The following PCDHGA2 variants were observed in gnomAD, a reference collection of about 807,000 sequenced individuals.
PCDHGA2 encodes protocadherin gamma subfamily A, 2, also known as protocadherin gamma-A2.
PCDHGA2 carries 40 observed loss-of-function variants against 59.2 expected under a neutral mutation model. That is an observed-to-expected ratio of 0.68 (90% confidence interval 0.52 to 0.88). PCDHGA2 has a LOEUF of 0.88. PCDHGA2 is among the 40% of genes least tolerant of loss of function. PCDHGA2 has a pLI of 0.00. For missense variants in PCDHGA2, 1,226 were observed against 1,204.0 expected (o/e 1.02, Z -0.27); for synonymous variants, 560 against 526.0 (o/e 1.06, Z -0.89).
At chr5:141,408,556 T>G (rs1215804867) in intron 1 of PCDHGA2, 1 of 1,613,940 alleles carries the variant, frequency 6.2e-7, no homozygotes, top group Non-Finnish European at 8.5e-7. Context: ...ATATTTTTCA[T>G]GTCATTGTGG....
At chr5:141,384,447 G>T in intron 1 of PCDHGA2, 1 of 1,614,008 alleles carries the variant, frequency 6.2e-7, no homozygotes, top group African/African-American at 1.3e-5. Flanking sequence ...TCCTGTACGC[G>T]CTGCAATCCT....
chr5:141,485,745 T>C lies in PCDHGA2; in HGVS notation c.2425-9062T>C. 3 of 1,614,146 alleles carry C rather than the reference T, an allele frequency of 1.9e-6. No individual in the cohort carries two copies. Among genetic ancestry groups the C allele is most frequent in the Non-Finnish European group, 2.5e-6 (3 of 1,179,986 alleles). ...AAGAAGCGCAGCGACGGCAGCCTGGTCCCAGAGCTGCTCCTGGAGAAGCCT... is the reference window on the plus strand; with the variant it reads ...AAGAAGCGCAGCGACGGCAGCCTGGCCCCAGAGCTGCTCCTGGAGAAGCCT... On this transcript the variant is annotated intron_variant, in intron 1 of 3. Transcript: ENST00000394576. This position sits in a 1 kb window ranked among gnomAD's most constrained non-coding sequence, Gnocchi z 5.7.
At chr5:141,418,876 C>A (rs917800201) in intron 1 of PCDHGA2, 1 of 1,613,844 alleles carries the variant, frequency 6.2e-7, no homozygotes. Context: ...AAGTTGTAGA[C>A]GAAAACGACA....
chr5:141,482,763 T>TGC (rs2099571981), intron 1 of PCDHGA2, among the ~76,000 whole-genome samples: 1 of 127,550 alleles, frequency 7.8e-6, no homozygotes, highest in African/African-American at 3.6e-5. Flanking sequence ...GGTATTTCAT[T>TGC]ATCACTGAAC....
intron 1 of PCDHGA2, chr5:141,423,559 G>T: frequency 6.2e-7 from 1 of 1,613,584 alleles, no homozygotes; most frequent in Non-Finnish European, 8.5e-7. Flanking sequence ...CAACTATGGG[G>T]ACACGCTCAT....
intron 1 of PCDHGA2, among the ~76,000 whole-genome samples, chr5:141,347,802 G>T (rs1485611368): frequency 6.6e-6 from 1 of 150,846 alleles, no homozygotes; most frequent in Admixed American, 6.6e-5. Context: ...AAAAAAAAAA[G>T]TAGAGGCTGG....
chr5:141,420,187 C>G (rs1369031488), intron 1 of PCDHGA2: 1 of 1,613,706 alleles, frequency 6.2e-7, no homozygotes, highest in East Asian at 2.2e-5. Context: ...ATTGTCCAGC[C>G]ACACAAGATA....
chr5:141,468,809 T>A (rs1473677700), intron 1 of PCDHGA2, among the ~76,000 whole-genome samples: 1 of 151,850 alleles, frequency 6.6e-6, no homozygotes, highest in Admixed American at 6.6e-5. Flanking sequence ...GAACTTGCAG[T>A]GAGCCAAGAT....
At chr5:141,360,893 AG>A (rs753188026) in intron 1 of PCDHGA2, 17 of 1,614,046 alleles carry the variant, frequency 1.1e-5, no homozygotes, top group Non-Finnish European at 1.4e-5. Flanking sequence ...ACCCTGAGGG[AG>A]GACGTGCCGC....
chr5:141,343,906 C>T, intron 1 of PCDHGA2: 1 of 870,422 alleles, frequency 1.1e-6, no homozygotes, highest in Non-Finnish European at 1.7e-6. Context: ...AACCTCACCT[C>T]TTAGTCAACC....
At position 141,489,748 on chromosome 5, in the gene PCDHGA2, T is replaced by C. The variant is rs763688648; in HGVS notation, c.2425-5059T>C. On this transcript the variant is annotated intron_variant, in intron 1 of 3. Transcript: ENST00000394576. The surrounding 1 kb of genome is among the most constrained non-coding windows in gnomAD (Gnocchi z 4.5). ...TGTGGGCACCAATACTGTGAGCTTT[T>C]ACACTCTAAGCCCCAACAGCCACTT... is the stretch of plus-strand genomic sequence containing the variant. The C allele has an allele frequency of 1.8e-5, 29 of 1,614,038 alleles. No homozygotes were observed. Among genetic ancestry groups the C allele is most frequent in the Non-Finnish European group, 1.6e-5 (19 of 1,180,010 alleles).
At chr5:141,400,232 C>CT (rs1207022796) in intron 1 of PCDHGA2, 6 of 1,613,914 alleles carry the variant, frequency 3.7e-6, no homozygotes, top group African/African-American at 1.3e-5. Context: ...TTCCTCCTGG[C>CT]CGTGATTCTG....
intron 1 of PCDHGA2, chr5:141,355,887 CATA>C (rs759872200): frequency 1.1e-5 from 17 of 1,613,492 alleles, no homozygotes; most frequent in Non-Finnish European, 1.4e-5. Flanking sequence ...CCAGGATTCT[CATA>C]ATACTTGTGG....
chr5:141,472,183 A>G (rs2099273731), intron 1 of PCDHGA2, among the ~76,000 whole-genome samples: 1 of 152,190 alleles, frequency 6.6e-6, no homozygotes, highest in South Asian at 2.1e-4. Flanking sequence ...CCAGTATTGG[A>G]ATTTGAATCT....
At chr5:141,437,445 T>C (rs187869679) in intron 1 of PCDHGA2, among the ~76,000 whole-genome samples, 1 of 152,348 alleles carries the variant, frequency 6.6e-6, no homozygotes, top group East Asian at 1.9e-4. Flanking sequence ...CATAGGAATG[T>C]TGAGGAGACT....
intron 1 of PCDHGA2, among the ~76,000 whole-genome samples, chr5:141,464,077 C>T (rs891173261): frequency 1.3e-5 from 2 of 151,950 alleles, no homozygotes; most frequent in African/African-American, 4.8e-5. Context: ...CCAGCCTGGC[C>T]AACATGGTGA....
intron 1 of PCDHGA2, chr5:141,409,541 G>T: frequency 6.2e-7 from 1 of 1,613,970 alleles, no homozygotes; most frequent in Non-Finnish European, 8.5e-7. Context: ...TGACATCAAC[G>T]ACAACGCCCC....
At chr5:141,347,247 A>G (rs1757940581) in intron 1 of PCDHGA2, among the ~76,000 whole-genome samples, 1 of 150,900 alleles carries the variant, frequency 6.6e-6, no homozygotes, top group South Asian at 2.1e-4. Context: ...TTGACCTCGC[A>G]GACTCAAGTG....
chr5:141,415,380 C>G (rs759710024), intron 1 of PCDHGA2: 1 of 1,614,250 alleles, frequency 6.2e-7, no homozygotes, highest in South Asian at 1.1e-5. Flanking sequence ...CAGGAGGCGG[C>G]TTGACAGGTG....
Sources: allele counts gnomAD v4.1 joint callset (sites outside exome capture counted in the v4.1 genomes callset), GRCh38; gene constraint gnomAD v4.1.1; non-coding constraint Gnocchi (gnomAD v3.1); transcripts MANE v1.5; gene names NCBI Gene and HGNC (gene_info 2026-07-23, HGNC 2026-07-21).